Variants in SLC7A11 observed in about 807,000 individuals in gnomAD.
The protein encoded by SLC7A11 is solute carrier family 7 member 11.
SLC7A11 carries 35 observed loss-of-function variants against 54.5 expected under a neutral mutation model. The observed-to-expected ratio is 0.64, with a 90% confidence interval of 0.49 to 0.85. The LOEUF is 0.85. SLC7A11 is among the 40% of genes least tolerant of loss of function. The pLI is 0.00. For missense variants in SLC7A11, 583 were observed against 618.1 expected, an observed-to-expected ratio of 0.94 and a Z score of 0.60; for synonymous variants, 230 against 225.2, an observed-to-expected ratio of 1.02 and a Z score of -0.19.
intron 3 of SLC7A11, among the ~76,000 whole-genome samples, chr4:138,225,163 TATATATATAA>T (rs1315450242): frequency 4.2e-5 from 6 of 142,594 alleles, no homozygotes; most frequent in African/African-American, 1.1e-4. Flanking sequence ...TATATATATA[TATATATATAA>T]ATAAAATCAT....
intron 2 of SLC7A11, among the ~76,000 whole-genome samples, chr4:138,233,338 C>T (rs1033207509): frequency 7.2e-5 from 11 of 152,188 alleles, no homozygotes; most frequent in African/African-American, 1.4e-4. Context: ...GTGCATGCCA[C>T]CATGCCTGGC....
chr4:138,241,552 A>C (rs1208556770), intron 1 of SLC7A11, among the ~76,000 whole-genome samples: 1 of 152,208 alleles, frequency 6.6e-6, no homozygotes, highest in African/African-American at 2.4e-5. Flanking sequence ...AAAAGTCAGA[A>C]GATAGCCTGT....
intron 11 of SLC7A11, among the ~76,000 whole-genome samples, chr4:138,178,641 C>T (rs574872251): frequency 2.6e-5 from 4 of 152,130 alleles, no homozygotes; most frequent in East Asian, 3.9e-4. Flanking sequence ...ACGTTCTGCA[C>T]GTTTATTCCA....
At chr4:138,195,991 TAAA>T (rs1476525196) in intron 6 of SLC7A11, among the ~76,000 whole-genome samples, 1 of 152,102 alleles carries the variant, frequency 6.6e-6, no homozygotes, top group Non-Finnish European at 1.5e-5. Flanking sequence ...GGCAAAGACT[TAAA>T]GAAGGCTTAA....
chr4:138,216,909 T>C (rs1207539492), intron 5 of SLC7A11, among the ~76,000 whole-genome samples: 2 of 152,186 alleles, frequency 1.3e-5, no homozygotes, highest in Admixed American at 1.3e-4. Flanking sequence ...TGTAATTATA[T>C]CTTGAAAGCG....
rs568626569 is a variant in SLC7A11 at position 138,186,510 on chromosome 4, C to G, written c.792-1266G>C. On this transcript the variant is annotated intron_variant, in intron 6 of 11. Coordinates refer to ENST00000280612, the MANE Select transcript of SLC7A11 (RefSeq NM_014331.4). ...TATGCTGCTTGGAGCCTGACACTTCCCCGGATTCCCAAAGCCTTCAGCCTT... is the reference window on the plus strand; with the variant it reads ...TATGCTGCTTGGAGCCTGACACTTCGCCGGATTCCCAAAGCCTTCAGCCTT... Among the ~76,000 whole-genome samples the G allele has an allele frequency of 2.6e-5, 4 of 152,192 alleles. No individual in the cohort carries two copies. The East Asian group carries it at 5.8e-4, about 22-fold the overall frequency.
chr4:138,201,201 A>G (rs966670001), intron 6 of SLC7A11, among the ~76,000 whole-genome samples: 1 of 152,094 alleles, frequency 6.6e-6, no homozygotes, highest in African/African-American at 2.4e-5. Context: ...GGCCTATTTT[A>G]ATGCTATGCC....
rs995226667 is a variant in SLC7A11, at chr4:138,242,028, ACCT to A, written c.39_41del (p.Gly14del). 1.9e-6 allele frequency: 3 copies of A among 1,613,822 alleles called. No individual in the cohort carries two copies. Among genetic ancestry groups the A allele is most frequent in the African/African-American group, 1.3e-5 (1 of 74,862 alleles). ...TCCCGTTAACATTTCCCTGCAGGTAACCTCCTTTGGAGATGGTGGACACAACAG... is the reference window on the plus strand; with the variant it reads ...TCCCGTTAACATTTCCCTGCAGGTAACCTTTGGAGATGGTGGACACAACAG... On this transcript the variant is annotated inframe_deletion, in exon 1 of 12. Coordinates refer to ENST00000280612, the MANE Select transcript of SLC7A11 (RefSeq NM_014331.4).
Position 138,232,270 on chromosome 4 carries a change from T to G in SLC7A11, c.517A>C (p.Ile173Leu). The change falls in exon 3 of 12, where the codon ATA becomes CTA. Residue 173 changes from isoleucine (I) to leucine (L), a missense_variant. Coordinates refer to ENST00000280612, the MANE Select transcript of SLC7A11 (RefSeq NM_014331.4). ...LAIKLITAVG[I>L]TVVMVLNSMS... ...CATATATAGCTATAATACTCACTTATGCCCACAGCTGTAATGAGCTTGATC... is the reference window on the plus strand; with the variant it reads ...CATATATAGCTATAATACTCACTTAGGCCCACAGCTGTAATGAGCTTGATC... 8 of 1,581,546 alleles carry G rather than the reference T, an allele frequency of 5.1e-6. No homozygotes were observed. Among genetic ancestry groups the G allele is most frequent in the Non-Finnish European group, 7.0e-6 (8 of 1,150,208 alleles).
At chr4:138,233,360 A>G (rs909869924) in intron 2 of SLC7A11, among the ~76,000 whole-genome samples, 1 of 151,768 alleles carries the variant, frequency 6.6e-6, no homozygotes, top group African/African-American at 2.4e-5. Flanking sequence ...AATTTTTTGT[A>G]TTTTTAATAG....
chr4:138,213,349 G>T (rs985033438), intron 6 of SLC7A11, among the ~76,000 whole-genome samples: 1 of 151,974 alleles, frequency 6.6e-6, no homozygotes, highest in African/African-American at 2.4e-5. Context: ...CTGGTACTTG[G>T]CCAGATCTCA....
In SLC7A11 at chr4:138,236,421, G is replaced by T; in HGVS notation, c.308C>A (p.Thr103Asn). Residue 103 changes from threonine (T) to asparagine (N), a missense_variant, in exon 2 of 12, where the codon ACT becomes AAT. Thr to Asn is a moderately conservative substitution (Grantham distance 65). Transcript: ENST00000280612. ...GALSYAELGT[T>N]IKKSGGHYTY... ...GTAATGACCTCCAGATTTCTTTATA[G>T]TTGTTCCCAATTCAGCATAAGACAA... The T allele has an allele frequency of 6.2e-7, 1 of 1,611,652 alleles. No individual in the cohort carries two copies. The highest frequency in any genetic ancestry group is 8.5e-7 in the Non-Finnish European group (1 of 1,178,962).
intron 6 of SLC7A11, among the ~76,000 whole-genome samples, chr4:138,211,894 G>A (rs1737559109): frequency 1.3e-5 from 2 of 151,880 alleles, no homozygotes; most frequent in African/African-American, 4.8e-5. Context: ...TAAGGAGAAA[G>A]TAATGAAGAT....
chr4:138,212,490 G>T (rs1446719449), intron 6 of SLC7A11, among the ~76,000 whole-genome samples: 2 of 150,182 alleles, frequency 1.3e-5, no homozygotes, highest in African/African-American at 4.9e-5. Context: ...TTAGATAAGG[G>T]AATTTCTTTG....
intron 5 of SLC7A11, among the ~76,000 whole-genome samples, chr4:138,218,924 G>A (rs548798971): frequency 3.3e-5 from 5 of 152,242 alleles, no homozygotes; most frequent in African/African-American, 4.8e-5. Flanking sequence ...TTTGACAAGC[G>A]AAGTATTATT....
intron 6 of SLC7A11, among the ~76,000 whole-genome samples, chr4:138,189,163 C>T (rs554643554): frequency 3.3e-5 from 5 of 152,060 alleles, no homozygotes; most frequent in East Asian, 3.9e-4. Context: ...ATTTTTGTTC[C>T]GAGTGATAGG....
chr4:138,219,379 A>G lies in SLC7A11; in HGVS notation c.647-14T>C. 1.4e-6 allele frequency: 2 copies of G among 1,470,950 alleles called. No individual in the cohort carries two copies. The highest frequency in any genetic ancestry group is 9.5e-7 in the Non-Finnish European group (1 of 1,052,882). 91.1% of individuals were successfully genotyped at this position (1,470,950 alleles called of 1,614,324 possible). A position where few individuals can be genotyped will look rare whatever the true frequency, so the allele number is the denominator to read the frequency against. ...TCTGCGTTTGACCTGTAATTAGAATAGACTGATTTTAGGATTTTTCAAAGA... is the reference window on the plus strand; with the variant it reads ...TCTGCGTTTGACCTGTAATTAGAATGGACTGATTTTAGGATTTTTCAAAGA... On this transcript the variant is annotated splice_polypyrimidine_tract_variant and intron_variant, in intron 4 of 11. Transcript: ENST00000280612.
intron 6 of SLC7A11, among the ~76,000 whole-genome samples, chr4:138,208,168 T>A (rs1463702511): frequency 6.6e-6 from 1 of 152,116 alleles, no homozygotes; most frequent in Non-Finnish European, 1.5e-5. Context: ...AAGTATTAAT[T>A]AAACATGACA....
chr4:138,207,342 T>C lies in SLC7A11; in HGVS notation c.791+7243A>G, dbSNP rs72933881. Among the ~76,000 whole-genome samples the C allele has an allele frequency of 4.3e-3, 649 of 152,150 alleles. 4 individuals carry two copies. The highest frequency in any genetic ancestry group is 0.015 in the African/African-American group (614 of 41,522). Reference sequence around the variant, plus strand: ...ACATATACAGTTACAATATTATATGTTATTTTCTAGCGACTATTAAGTTAG... The same window carrying C: ...ACATATACAGTTACAATATTATATGCTATTTTCTAGCGACTATTAAGTTAG... On this transcript the variant is annotated intron_variant, in intron 6 of 11. Transcript: ENST00000280612.
Sources: gnomAD v4.1 joint callset for allele counts (sites outside exome capture counted in the v4.1 genomes callset) on GRCh38, gnomAD v4.1.1 for gene constraint, MANE v1.5 for transcripts, NCBI Gene and HGNC (gene_info 2026-07-23, HGNC 2026-07-21) for gene names.